PTPRD: variants seen among roughly 807,000 people sequenced by gnomAD.
The protein encoded by PTPRD is protein tyrosine phosphatase receptor type D.
A neutral mutation model predicts 214.5 loss-of-function variants in PTPRD; 34 were observed. That is an observed-to-expected ratio of 0.16 (90% CI 0.12 to 0.21). The LOEUF is 0.21. PTPRD is among the 10% of genes least tolerant of loss of function. The pLI is 1.00. For missense variants in PTPRD, 2,545 were observed against 2,398.7 expected, an observed-to-expected ratio of 1.06 and a Z score of -1.27; for synonymous variants, 1,128 against 845.7, an observed-to-expected ratio of 1.33 and a Z score of -5.79.
intron 3 of PTPRD, among the ~76,000 whole-genome samples, chr9:10,136,099 A>C (rs757576760): frequency 1.3e-5 from 2 of 151,880 alleles, no homozygotes; most frequent in Non-Finnish European, 2.9e-5. Flanking sequence ...ATACTAGATA[A>C]AGCACACTTT....
chr9:9,994,599 G>A (rs904385174), intron 4 of PTPRD, among the ~76,000 whole-genome samples: 1 of 151,808 alleles, frequency 6.6e-6, no homozygotes, highest in African/African-American at 2.4e-5. Flanking sequence ...AAACCTAAAA[G>A]CATAAAAGAA....
At chr9:9,121,952 G>A (rs2099818035) in intron 10 of PTPRD, among the ~76,000 whole-genome samples, 2 of 152,126 alleles carry the variant, frequency 1.3e-5, no homozygotes, top group South Asian at 4.1e-4. Context: ...ACAAGCCCAA[G>A]AAAAGTTTAA....
At chr9:9,918,852 C>A (rs949184470) in intron 5 of PTPRD, among the ~76,000 whole-genome samples, 1 of 152,052 alleles carries the variant, frequency 6.6e-6, no homozygotes, top group African/African-American at 2.4e-5. Flanking sequence ...TAGCCACCTG[C>A]AGAAGAATTA....
intron 2 of PTPRD, among the ~76,000 whole-genome samples, chr9:10,465,222 A>G (rs1384819929): frequency 6.6e-6 from 1 of 152,212 alleles, no homozygotes; most frequent in African/African-American, 2.4e-5. Context: ...TAGCACACAC[A>G]ACAGACATTT....
chr9:9,583,578 C>T (rs146362557), intron 7 of PTPRD, among the ~76,000 whole-genome samples: 1,683 of 152,042 alleles, frequency 0.011, 17 homozygotes, highest in Non-Finnish European at 0.016. Flanking sequence ...TAGATAACTA[C>T]GCATTTAAGA....
rs770720102 is a variant in PTPRD at position 8,781,177 on chromosome 9, G to A, written c.-103-47231C>T. Among the ~76,000 whole-genome samples, 2 of 152,138 alleles carry A rather than the reference G, an allele frequency of 1.3e-5. 1 individual carries two copies. Among genetic ancestry groups the A allele is most frequent in the Non-Finnish European group, 2.9e-5 (2 of 68,030 alleles). ...GCCTTGGTACCACTTCAAGACTGAA[G>A]GAATGATACAAGAAAGAGAATTTAT... On this transcript the variant is annotated intron_variant, in intron 11 of 45. Transcript: ENST00000381196.
At chr9:10,456,456 A>C (rs1010991296) in intron 2 of PTPRD, among the ~76,000 whole-genome samples, 1 of 151,926 alleles carries the variant, frequency 6.6e-6, no homozygotes, top group Non-Finnish European at 1.5e-5. Context: ...CAAAGTGAGA[A>C]CTTTAACTCT....
intron 8 of PTPRD, among the ~76,000 whole-genome samples, chr9:9,534,145 G>C (rs1018862899): frequency 3.3e-5 from 5 of 151,984 alleles, no homozygotes; most frequent in Admixed American, 6.6e-5. Flanking sequence ...ACATCGTGTT[G>C]CTATATTCGT....
At chr9:8,724,778 A>G (rs547286112) in intron 12 of PTPRD, among the ~76,000 whole-genome samples, 1 of 152,042 alleles carries the variant, frequency 6.6e-6, no homozygotes, top group African/African-American at 2.4e-5. Context: ...TAAAAAAAAA[A>G]AATACAAAAA....
chr9:9,289,667 C>T (rs1214362773), intron 9 of PTPRD, among the ~76,000 whole-genome samples: 1 of 151,722 alleles, frequency 6.6e-6, no homozygotes, highest in Non-Finnish European at 1.5e-5. Flanking sequence ...CTACTTTCTG[C>T]TTTTTGAATG....
intron 2 of PTPRD, among the ~76,000 whole-genome samples, chr9:10,455,579 C>A (rs560003376): frequency 6.6e-6 from 1 of 151,706 alleles, no homozygotes; most frequent in East Asian, 1.9e-4. Context: ...GTTTTTAATT[C>A]CTTTTGTTCG....
intron 12 of PTPRD, among the ~76,000 whole-genome samples, chr9:8,722,828 A>T (rs910962627): frequency 3.9e-5 from 6 of 152,224 alleles, no homozygotes; most frequent in African/African-American, 1.2e-4. Flanking sequence ...CTGACCAGAG[A>T]TAACGAGCTA....
chr9:10,109,380 T>C lies in PTPRD; in HGVS notation c.-544-75590A>G, dbSNP rs2154228981. 2.6e-5 allele frequency among the ~76,000 whole-genome samples: 4 copies of C among 152,286 alleles called. No individual in the cohort carries two copies. In the South Asian group the frequency reaches 8.3e-4, roughly 32 times the overall value. On this transcript the variant is annotated intron_variant, in intron 3 of 45. Coordinates refer to ENST00000381196, the MANE Select transcript of PTPRD (RefSeq NM_002839.4). ...TGGGGAACAAAGTAATTTTTCCTAATAAAAGCTGTCAAGTTGTTTGCTGTA... is the reference window on the plus strand; with the variant it reads ...TGGGGAACAAAGTAATTTTTCCTAACAAAAGCTGTCAAGTTGTTTGCTGTA...
At chr9:9,333,481 A>T (rs1471662810) in intron 9 of PTPRD, among the ~76,000 whole-genome samples, 7 of 131,690 alleles carry the variant, frequency 5.3e-5, no homozygotes, top group Non-Finnish European at 1.1e-4. Context: ...AATATATATA[A>T]AACATATATA....
chr9:10,250,382 C>T (rs1375516711), intron 3 of PTPRD, among the ~76,000 whole-genome samples: 1 of 152,034 alleles, frequency 6.6e-6, no homozygotes, highest in Non-Finnish European at 1.5e-5. Flanking sequence ...CACTTTTGAA[C>T]TCCTGCCAAG....
At chr9:9,659,725 T>C (rs1424458304) in intron 7 of PTPRD, among the ~76,000 whole-genome samples, 1 of 152,138 alleles carries the variant, frequency 6.6e-6, no homozygotes, top group African/African-American at 2.4e-5. Flanking sequence ...CAGTCATTGC[T>C]ATTTGCATTC....
At position 10,395,868 on chromosome 9, in the gene PTPRD, C is replaced by T. The variant is rs537515377; in HGVS notation, c.-599-54851G>A. Among the ~76,000 whole-genome samples the T allele has an allele frequency of 9.2e-5, 14 of 151,390 alleles. 2 individuals carry two copies. The highest frequency in any genetic ancestry group is 3.4e-4 in the African/African-American group (14 of 41,236). On this transcript the variant is annotated intron_variant, in intron 2 of 45. Transcript: ENST00000381196. Reference sequence around the variant, plus strand: ...CAGGAGAATAAATGAATTGTTTGTTCCTAGAGAAGGATCTGGAAACACTGT... The same window carrying T: ...CAGGAGAATAAATGAATTGTTTGTTTCTAGAGAAGGATCTGGAAACACTGT...
intron 3 of PTPRD, among the ~76,000 whole-genome samples, chr9:10,295,228 A>C (rs1308906359): frequency 6.6e-6 from 1 of 152,064 alleles, no homozygotes; most frequent in Non-Finnish European, 1.5e-5. Context: ...CCATCAAACA[A>C]TTCTGGATAT....
chr9:10,094,898 A>T (rs450818), intron 3 of PTPRD, among the ~76,000 whole-genome samples: 64,942 of 151,190 alleles, frequency 0.43, 14,900 homozygotes, highest in African/African-American at 0.56. Context: ...CTACTTCAAA[A>T]GCAAGAATAT....
Sources: gnomAD v4.1 joint callset for allele counts (sites outside exome capture counted in the v4.1 genomes callset) on GRCh38, gnomAD v4.1.1 for gene constraint, MANE v1.5 for transcripts, NCBI Gene and HGNC (gene_info 2026-07-23, HGNC 2026-07-21) for gene names.